ATP6V1H: variants seen among roughly 807,000 people sequenced by gnomAD.
ATP6V1H encodes the protein ATPase H+ transporting V1 subunit H, also known as V-type proton ATPase subunit H.
In ATP6V1H, 39 loss-of-function variants were observed where a neutral mutation model predicts 71.7. The ratio of observed to expected loss-of-function variants is 0.54; its 90% CI spans 0.42 to 0.71. The LOEUF is 0.71. Ranked by LOEUF, ATP6V1H falls within the 30% of genes least tolerant of loss-of-function variation. The probability of loss-of-function intolerance (pLI) is 0.00; values close to 1 mark genes in which losing one functional copy is unlikely to be tolerated. For missense variants in ATP6V1H, 509 were observed against 594.9 expected (o/e 0.86, Z 1.50); for synonymous variants, 192 against 199.3 (o/e 0.96, Z 0.31).
At chr8:53,736,891 G>C (rs1807222857) in intron 13 of ATP6V1H, among the ~76,000 whole-genome samples, 1 of 152,190 alleles carries the variant, frequency 6.6e-6, no homozygotes, top group Admixed American at 6.5e-5. Flanking sequence ...CACACCCCAG[G>C]CCTGGTCTGG....
intron 13 of ATP6V1H, among the ~76,000 whole-genome samples, chr8:53,729,060 T>C (rs1190631029): frequency 6.6e-6 from 1 of 152,232 alleles, no homozygotes; most frequent in Non-Finnish European, 1.5e-5. Context: ...CGCTCTTGGC[T>C]GATGACCGAC....
At chr8:53,835,003 T>C (rs1288320831) in intron 2 of ATP6V1H, among the ~76,000 whole-genome samples, 1 of 151,850 alleles carries the variant, frequency 6.6e-6, no homozygotes, top group East Asian at 1.9e-4. Context: ...ACAAAATAAG[T>C]TGGGTGTGGT....
chr8:53,801,261 T>C (rs555294396), intron 8 of ATP6V1H, among the ~76,000 whole-genome samples: 62 of 152,230 alleles, frequency 4.1e-4, no homozygotes, highest in Non-Finnish European at 6.6e-4. Context: ...ATGAAAAGAA[T>C]ATTTGGTTTA....
chr8:53,796,903 T>G (rs1809759842), intron 8 of ATP6V1H, among the ~76,000 whole-genome samples: 1 of 152,236 alleles, frequency 6.6e-6, no homozygotes, highest in African/African-American at 2.4e-5. Context: ...CTGAAAGGCT[T>G]TTATCTGTGT....
At chr8:53,783,010 T>G (rs1347641295) in intron 9 of ATP6V1H, among the ~76,000 whole-genome samples, 6 of 152,228 alleles carry the variant, frequency 3.9e-5, no homozygotes, top group East Asian at 3.9e-4. Flanking sequence ...TCTCTTTTTT[T>G]GTTGTGTCTC....
At chr8:53,748,249 T>A (rs1450461605) in intron 12 of ATP6V1H, among the ~76,000 whole-genome samples, 1 of 151,902 alleles carries the variant, frequency 6.6e-6, no homozygotes, top group Non-Finnish European at 1.5e-5. Flanking sequence ...TTCCTACGGA[T>A]CATGTAAGTG....
chr8:53,755,713 TATATATATATATATATATATA>T lies in ATP6V1H; in HGVS notation c.1277+821_1277+841del. Among the ~76,000 whole-genome samples the T allele has an allele frequency of 3.3e-4, 2 of 6,120 alleles. 1 individual carries two copies. Among genetic ancestry groups the T allele is most frequent in the African/African-American group, 1.6e-3 (2 of 1,230 alleles). 4.0% of individuals were successfully genotyped at this position (6,120 alleles called of 152,430 possible). On this transcript the variant is annotated intron_variant, in intron 12 of 13. Transcript: ENST00000359530. ...ATATATATATATATATATATATATA[TATATATATATATATATATATA>T]TATATATATATTTTTTTTTTTTTTT...
chr8:53,719,983 A>G (rs1181906224), intron 13 of ATP6V1H, among the ~76,000 whole-genome samples: 6 of 152,236 alleles, frequency 3.9e-5, no homozygotes, highest in African/African-American at 1.2e-4. Context: ...AAACTAGTAT[A>G]GATTTTACCT....
At chr8:53,807,912 G>A (rs1293272907) in intron 7 of ATP6V1H, among the ~76,000 whole-genome samples, 2 of 152,214 alleles carry the variant, frequency 1.3e-5, no homozygotes, top group East Asian at 3.8e-4. Flanking sequence ...TATGGTTAGG[G>A]GCTGCCACAA....
At chr8:53,824,054 T>C (rs1810748240) in intron 4 of ATP6V1H, among the ~76,000 whole-genome samples, 1 of 150,760 alleles carries the variant, frequency 6.6e-6, no homozygotes, top group Non-Finnish European at 1.5e-5. Context: ...GGACATAATA[T>C]GCAAATAGAG....
At chr8:53,819,447 G>A (rs1298509040) in intron 4 of ATP6V1H, among the ~76,000 whole-genome samples, 3 of 147,002 alleles carry the variant, frequency 2.0e-5, no homozygotes, top group Non-Finnish European at 3.0e-5. Flanking sequence ...CAGGAGAATC[G>A]CTTGAACCTG....
intron 13 of ATP6V1H, among the ~76,000 whole-genome samples, chr8:53,730,082 G>C (rs1051146147): frequency 6.6e-6 from 1 of 152,118 alleles, no homozygotes; most frequent in Non-Finnish European, 1.5e-5. Context: ...CTACAGAGAA[G>C]AAGTGAACAG....
At chr8:53,728,057 A>G (rs1442975004) in intron 13 of ATP6V1H, among the ~76,000 whole-genome samples, 1 of 152,224 alleles carries the variant, frequency 6.6e-6, no homozygotes, top group Non-Finnish European at 1.5e-5. Context: ...GTGATCTAAG[A>G]GTTCCCACCT....
At chr8:53,754,057 T>A (rs1030332481) in intron 12 of ATP6V1H, among the ~76,000 whole-genome samples, 13 of 152,106 alleles carry the variant, frequency 8.5e-5, no homozygotes, top group African/African-American at 3.1e-4. Context: ...CCCTGCACAC[T>A]GCGCATAAGA....
intron 13 of ATP6V1H, among the ~76,000 whole-genome samples, chr8:53,740,730 G>A (rs1807377888): frequency 6.6e-6 from 1 of 152,076 alleles, no homozygotes; most frequent in African/African-American, 2.4e-5. Flanking sequence ...TAGACAACTA[G>A]GTTACCTGAA....
intron 4 of ATP6V1H, among the ~76,000 whole-genome samples, chr8:53,826,714 A>C (rs1810832269): frequency 6.6e-6 from 1 of 152,086 alleles, no homozygotes; most frequent in Non-Finnish European, 1.5e-5. Context: ...TGGGAGGCCG[A>C]GGCAGGCAGA....
chr8:53,778,649 G>T (rs1432995344), intron 9 of ATP6V1H, among the ~76,000 whole-genome samples: 5 of 152,054 alleles, frequency 3.3e-5, no homozygotes, highest in African/African-American at 9.7e-5. Context: ...AAGCAAAAAT[G>T]GAAGATAGAA....
chr8:53,750,383 G>C (rs990641758), intron 12 of ATP6V1H, among the ~76,000 whole-genome samples: 4 of 152,110 alleles, frequency 2.6e-5, no homozygotes, highest in African/African-American at 9.7e-5. Flanking sequence ...TCAAAGAAAA[G>C]GATGGATAGG....
intron 12 of ATP6V1H, 135 bp from the exon 13 acceptor site, chr8:53,743,825 TAC>T: frequency 1.7e-6 from 1 of 596,698 alleles, no homozygotes; most frequent in South Asian, 2.2e-5. Context: ...TGTCTTTTTT[TAC>T]ATCATTTTCC....
Sources: gnomAD v4.1 joint callset for allele counts (sites outside exome capture counted in the v4.1 genomes callset) on GRCh38, gnomAD v4.1.1 for gene constraint, MANE v1.5 for transcripts, NCBI Gene and HGNC (gene_info 2026-07-23, HGNC 2026-07-21) for gene names.